The following MARF1 variants were observed in gnomAD, a reference collection of about 807,000 sequenced individuals.
The protein encoded by MARF1 is limkain-b1.
MARF1 carries 24 observed loss-of-function variants against 168.2 expected under a neutral mutation model. That is an observed-to-expected ratio of 0.14 (90% CI 0.10 to 0.20). The LOEUF is 0.20. Ranked by LOEUF, MARF1 falls within the 10% of genes least tolerant of loss-of-function variation. The pLI is 1.00. For missense variants in MARF1, 1,744 were observed against 2,143.6 expected (o/e 0.81, Z 3.68); for synonymous variants, 868 against 822.4 (o/e 1.06, Z -0.95).
chr16:15,642,368 T>C (rs2036060258), intron 1 of MARF1: 1 of 152,220 alleles, frequency 6.6e-6, no homozygotes, highest in Admixed American at 6.5e-5. Context: ...TGGCATATTT[T>C]AATAAATAAC....
intron 1 of MARF1, among the ~76,000 whole-genome samples, chr16:15,641,748 A>G (rs541685589): frequency 2.0e-5 from 3 of 152,338 alleles, no homozygotes; most frequent in Admixed American, 2.0e-4. Context: ...CGAGCCTGAC[A>G]CAAGATTAGG....
chr16:15,597,006 G>C, intron 26 of MARF1, 69 bp from the exon 27 acceptor site: 2 of 1,479,266 alleles, frequency 1.4e-6, no homozygotes, highest in South Asian at 2.7e-5. Context: ...TCTCTTCCTT[G>C]CTCATATTTT....
At chr16:15,618,731 A>G (rs2034245190) in intron 13 of MARF1, among the ~76,000 whole-genome samples, 2 of 152,124 alleles carry the variant, frequency 1.3e-5, no homozygotes, top group Admixed American at 1.3e-4. Context: ...TGACTGCCCT[A>G]TCTCCAGAGC....
At chr16:15,611,560 T>C in intron 18 of MARF1, 32 bp downstream of exon 18, 1 of 1,597,756 alleles carries the variant, frequency 6.3e-7, no homozygotes, top group Non-Finnish European at 8.6e-7. Flanking sequence ...CTAAAATATT[T>C]ACTTTCATTT....
chr16:15,631,102 C>T (rs1567581490), intron 6 of MARF1, among the ~76,000 whole-genome samples: 2 of 152,038 alleles, frequency 1.3e-5, no homozygotes, highest in South Asian at 2.1e-4. Flanking sequence ...CGCACTCCAG[C>T]CTGGGCAACA....
Position 15,636,152 on chromosome 16 carries a change from G to C in MARF1, c.335C>G (p.Ser112Trp), listed in dbSNP as rs374006441. 6.2e-7 allele frequency: 1 copy of C among 1,614,222 alleles called. No homozygotes were observed. The highest frequency in any genetic ancestry group is 2.2e-5 in the East Asian group (1 of 44,878). Reference sequence around the variant, plus strand: ...ACCACCACCACCAAAACGCATTGGCGAAGTGGAGGGTTCATTAGGGCAATG... The same window carrying C: ...ACCACCACCACCAAAACGCATTGGCCAAGTGGAGGGTTCATTAGGGCAATG... ...CAHCPNEPST[S>W]PMRFGGGGGG... The change falls in exon 3 of 27, where the codon TCG becomes TGG. Residue 112 changes from serine to tryptophan, a missense_variant. Ser to Trp is a radical substitution (Grantham distance 177). This residue lies in a region of MARF1 where 318 missense variants were observed against 336.6 expected (regional missense o/e 0.94). Transcript: ENST00000396368.
chr16:15,618,045 A>C (rs562491487), intron 13 of MARF1, among the ~76,000 whole-genome samples: 3 of 152,236 alleles, frequency 2.0e-5, no homozygotes, highest in Admixed American at 6.5e-5. Flanking sequence ...GGAGGCTGGC[A>C]GATTTGAGTT....
At position 15,617,545 on chromosome 16, in the gene MARF1, AGAG is replaced by A; in HGVS notation, c.2721-13_2721-11del. 6.4e-7 allele frequency: 1 copy of A among 1,569,730 alleles called. No homozygotes were observed. The highest frequency in any genetic ancestry group is 2.2e-5 in the East Asian group (1 of 44,456). On this transcript the variant is annotated splice_polypyrimidine_tract_variant and intron_variant, in intron 13 of 26. Transcript: ENST00000396368. ...CAACTTGTGTCCAAACCTAAAAGCA[AGAG>A]AAGAGAGACGCTGACTTAGAAGGTT...
At chr16:15,602,412 AAAG>A (rs1248076572) in intron 22 of MARF1, 7 of 614,936 alleles carry the variant, frequency 1.1e-5, no homozygotes, top group African/African-American at 9.3e-5. Flanking sequence ...AGACAACAAC[AAAG>A]AAGATGAAGA....
intron 13 of MARF1, among the ~76,000 whole-genome samples, chr16:15,620,177 A>C (rs887853971): frequency 3.9e-5 from 6 of 152,306 alleles, no homozygotes; most frequent in African/African-American, 1.4e-4. Context: ...AAAAAATTAA[A>C]AAACAAACAA....
At position 15,601,926 on chromosome 16, in the gene MARF1, G is replaced by A; in HGVS notation, c.4626+65C>T. 7.5e-6 allele frequency: 10 copies of A among 1,330,824 alleles called. No individual in the cohort carries two copies. In the South Asian group the frequency reaches 1.2e-4, roughly 16 times the overall value. 82.4% of individuals were successfully genotyped at this position (1,330,824 alleles called of 1,614,324 possible). A position where few individuals can be genotyped will look rare whatever the true frequency, so the allele number is the denominator to read the frequency against. On this transcript the variant is annotated intron_variant, in intron 23 of 26. Coordinates refer to ENST00000396368, the MANE Select transcript of MARF1 (RefSeq NM_014647.4). ...TATTCTGGCAGCATTTTATTTTTCT[G>A]TTCAGGACAGTTAGCCTGTGGCTGT...
intron 16 of MARF1, among the ~76,000 whole-genome samples, chr16:15,613,551 A>C (rs2033762706): frequency 6.6e-6 from 1 of 151,740 alleles, no homozygotes; most frequent in Non-Finnish European, 1.5e-5. Flanking sequence ...AGTCCCAGCT[A>C]CTCAGGAGGC....
chr16:15,605,141 C>G (rs2032893992), intron 21 of MARF1, among the ~76,000 whole-genome samples: 1 of 152,220 alleles, frequency 6.6e-6, no homozygotes, highest in Admixed American at 6.5e-5. Context: ...GAGGGTGAGG[C>G]TGTGGCGTGA....
intron 16 of MARF1, among the ~76,000 whole-genome samples, chr16:15,615,460 C>G (rs1341446062): frequency 6.6e-6 from 1 of 151,972 alleles, no homozygotes; most frequent in African/African-American, 2.4e-5. Flanking sequence ...CCTGTCTCTA[C>G]TAAAAATACA....
chr16:15,639,546 G>C (rs964658522), intron 1 of MARF1, among the ~76,000 whole-genome samples: 1 of 152,090 alleles, frequency 6.6e-6, no homozygotes, highest in Non-Finnish European at 1.5e-5. Flanking sequence ...GACTACAGGA[G>C]CCTGTCACTA....
At chr16:15,627,021 A>AAG (rs61380767) in intron 7 of MARF1, among the ~76,000 whole-genome samples, 15,728 of 149,908 alleles carry the variant, frequency 0.1, 1,198 homozygotes, top group African/African-American at 0.22. Flanking sequence ...AAAGAAAGAA[A>AAG]AGAGAGAGAG....
At chr16:15,617,771 C>T (rs974309056) in intron 13 of MARF1, among the ~76,000 whole-genome samples, 4 of 152,162 alleles carry the variant, frequency 2.6e-5, no homozygotes, top group Non-Finnish European at 5.9e-5. Context: ...AAGCCACCCC[C>T]AGCCCCTGCC....
chr16:15,642,073 A>G (rs1325294813), intron 1 of MARF1, among the ~76,000 whole-genome samples: 1 of 152,126 alleles, frequency 6.6e-6, no homozygotes, highest in Non-Finnish European at 1.5e-5. Context: ...CATCTCTAAA[A>G]TGGGTGTGAT....
chr16:15,625,071 C>T lies in MARF1; in HGVS notation c.2056G>A (p.Val686Met), dbSNP rs767603294. The change falls in exon 9 of 27, where the codon GTG becomes ATG. Residue 686 changes from valine to methionine, a missense_variant. Val to Met is a conservative substitution (Grantham distance 21, BLOSUM62 1). Transcript: ENST00000396368. ...VPTHGNSSAA[V>M]STPKNSGVAE... ...ACCCCCGAGTTTTTCGGCGTCGACA[C>T]TGCAGCACTTGAGTTACCGTGAGTG... The T allele has an allele frequency of 1.2e-6, 2 of 1,614,198 alleles. No homozygotes were observed. The highest frequency in any genetic ancestry group is 4.5e-5 in the East Asian group (2 of 44,888).
Sources: gnomAD v4.1 joint callset for allele counts (sites outside exome capture counted in the v4.1 genomes callset) on GRCh38, gnomAD v4.1.1 for gene constraint, gnomAD v4.1.1 regional missense constraint, MANE v1.5 for transcripts, NCBI Gene and HGNC (gene_info 2026-07-23, HGNC 2026-07-21) for gene names.